OTUD4: variants seen among roughly 807,000 people sequenced by gnomAD.
OTUD4 encodes OTU domain-containing protein 4.
OTUD4 carries 24 observed loss-of-function variants against 130.4 expected under a neutral mutation model. The ratio of observed to expected loss-of-function variants is 0.18; its 90% CI spans 0.13 to 0.26. The LOEUF is 0.26. OTUD4 is among the 10% of genes least tolerant of loss of function. The pLI, the probability that OTUD4 is intolerant of heterozygous loss-of-function variation, is 1.00. For synonymous variants in OTUD4, 420 were observed against 472.5 expected (o/e 0.89, Z 1.44); for missense variants, 1,031 against 1,329.4 (o/e 0.78, Z 3.49).
In OTUD4 at chr4:145,176,981, T is replaced by C. The variant is rs149890668; in HGVS notation, c.160-2237A>G. ...CTGATTCTACCTTCACTGCTGTTCT[T>C]GGACACTATTAAACTATATTCTTAT... On this transcript the variant is annotated intron_variant, in intron 1 of 20. Coordinates refer to ENST00000447906, the MANE Select transcript of OTUD4 (RefSeq NM_001366057.1). Among the ~76,000 whole-genome samples, 16 of 152,372 alleles carry C rather than the reference T, an allele frequency of 1.1e-4. No individual in the cohort carries two copies. The East Asian group carries it at 3.1e-3, about 29-fold the overall frequency.
In OTUD4 at chr4:145,180,004, C is replaced by G. The variant is rs1389881539; in HGVS notation, c.-31G>C. On this transcript the variant is annotated 5_prime_UTR_variant, in exon 1 of 21. Transcript: ENST00000447906. ...TGGTCCTGCTGCAGGCCAGGCGCGG[C>G]GAGGGCTAGCCCCACATGGCCAGGC... is the stretch of plus-strand genomic sequence containing the variant. 2 of 1,452,238 alleles carry G rather than the reference C, an allele frequency of 1.4e-6. No individual in the cohort carries two copies. The highest frequency in any genetic ancestry group is 1.8e-6 in the Non-Finnish European group (2 of 1,113,172). The allele number at this position is 1,452,238 out of a possible 1,614,324, so 90.0% of individuals were successfully genotyped here.
At chr4:145,177,295 A>G (rs2126815246) in intron 1 of OTUD4, among the ~76,000 whole-genome samples, 1 of 152,364 alleles carries the variant, frequency 6.6e-6, no homozygotes, top group African/African-American at 2.4e-5. Context: ...AATGGTAGGC[A>G]TATCTACTGG....
At chr4:145,172,297 A>T (rs1176953646) in intron 2 of OTUD4, among the ~76,000 whole-genome samples, 2 of 152,378 alleles carry the variant, frequency 1.3e-5, no homozygotes, top group Non-Finnish European at 2.9e-5. Context: ...GGAATAAAAC[A>T]AAGACTGACT....
rs549726215 is a variant in OTUD4 at position 145,165,645 on chromosome 4, T to G, written c.295-448A>C. On this transcript the variant is annotated intron_variant, in intron 3 of 20. Transcript: ENST00000447906. ...GGCATGTGCCACCATGCCCAGCTAA[T>G]TTTGTATTTTTAGTAGAGACGGGGT... is the stretch of plus-strand genomic sequence containing the variant. Among the ~76,000 whole-genome samples, 77 of 152,066 alleles carry G rather than the reference T, an allele frequency of 5.1e-4. 1 individual carries two copies. In the South Asian group the frequency reaches 0.016, roughly 32 times the overall value.
chr4:145,156,613 G>A (rs1360453717), intron 7 of OTUD4, among the ~76,000 whole-genome samples: 2 of 151,884 alleles, frequency 1.3e-5, no homozygotes, highest in Non-Finnish European at 2.9e-5. Context: ...AACCCGGGAG[G>A]CGGAGGTTGC....
intron 19 of OTUD4, among the ~76,000 whole-genome samples, chr4:145,140,586 A>G (rs1750511001): frequency 6.6e-6 from 1 of 152,194 alleles, no homozygotes; most frequent in South Asian, 2.1e-4. Context: ...CCTTAAAAAT[A>G]AAGAGGGAAA....
chr4:145,173,393 CA>C (rs1211787272), intron 2 of OTUD4, among the ~76,000 whole-genome samples: 32 of 131,652 alleles, frequency 2.4e-4, no homozygotes, highest in Admixed American at 3.0e-4. Context: ...GACTCTGTCT[CA>C]AAAAAAAAAA....
At chr4:145,144,116 C>T (rs529675770) in intron 15 of OTUD4, 115 bp from the exon 16 acceptor site, 3 of 1,069,200 alleles carry the variant, frequency 2.8e-6, no homozygotes, top group Admixed American at 4.2e-5. Flanking sequence ...CATGTTTAGT[C>T]AGTGAAAATG....
intron 5 of OTUD4, among the ~76,000 whole-genome samples, chr4:145,163,727 A>G (rs1343568562): frequency 7.0e-6 from 1 of 143,550 alleles, no homozygotes; most frequent in African/African-American, 2.6e-5. Flanking sequence ...TTTTTTTAAG[A>G]CGGAGGTTCA....
intron 6 of OTUD4, among the ~76,000 whole-genome samples, chr4:145,162,267 T>C (rs893631860): frequency 5.3e-5 from 8 of 152,148 alleles, no homozygotes; most frequent in Admixed American, 4.6e-4. Context: ...ATTAAGACTG[T>C]ATAAGGCCGG....
In OTUD4 at chr4:145,171,662, T is replaced by C; in HGVS notation, c.294+8A>G. The C allele has an allele frequency of 8.1e-7, 1 of 1,229,046 alleles. No homozygotes were observed. Among genetic ancestry groups the C allele is most frequent in the Non-Finnish European group, 1.2e-6 (1 of 834,132 alleles). The allele number at this position is 1,229,046 out of a possible 1,614,324, so 76.1% of individuals were successfully genotyped here. A position where few individuals can be genotyped will look rare whatever the true frequency, so the allele number is the denominator to read the frequency against. Reference sequence around the variant, plus strand: ...AAAATAGAAATATACTAGAAGACTGTGACATACCTGTGGATTTTCCAAACG... The same window carrying C: ...AAAATAGAAATATACTAGAAGACTGCGACATACCTGTGGATTTTCCAAACG... On this transcript the variant is annotated splice_region_variant and intron_variant, in intron 3 of 20. Transcript: ENST00000447906.
chr4:145,144,142 C>A, intron 15 of OTUD4, 141 bp from the exon 16 acceptor site: 1 of 1,009,106 alleles, frequency 9.9e-7, no homozygotes, highest in South Asian at 1.5e-5. Context: ...TTTAGAATAG[C>A]ACTTAACATC....
intron 20 of OTUD4, 39 bp from the exon 21 acceptor site, chr4:145,138,689 G>GA (rs556075164): frequency 2.1e-4 from 321 of 1,546,874 alleles, no homozygotes; most frequent in Non-Finnish European, 2.7e-4. Flanking sequence ...CAAAAGAGGA[G>GA]AAAAAAGAGA....
chr4:145,165,099 A>C, intron 4 of OTUD4, 52 bp downstream of exon 4: 1 of 1,007,488 alleles, frequency 9.9e-7, no homozygotes, highest in Non-Finnish European at 1.5e-6. Flanking sequence ...ATAATGGAAT[A>C]TAATTTCCCA....
intron 13 of OTUD4, among the ~76,000 whole-genome samples, chr4:145,150,289 A>C (rs186610218): frequency 1.2e-4 from 18 of 152,366 alleles, no homozygotes; most frequent in African/African-American, 4.3e-4. Context: ...ATTTGAAAAA[A>C]TTACTAAAAA....
chr4:145,149,091 T>C (rs923633785), intron 13 of OTUD4, among the ~76,000 whole-genome samples: 5 of 152,206 alleles, frequency 3.3e-5, no homozygotes, highest in Non-Finnish European at 5.9e-5. Flanking sequence ...AATAGGGTCT[T>C]CTCAGATGTA....
intron 15 of OTUD4, 109 bp downstream of exon 15, chr4:145,144,202 A>C: frequency 8.1e-7 from 1 of 1,231,208 alleles, no homozygotes. Context: ...ATGTGACATT[A>C]GATAAACTAC....
chr4:145,179,681 G>C, intron 1 of OTUD4, 134 bp downstream of exon 1: 1 of 1,406,318 alleles, frequency 7.1e-7, no homozygotes. Context: ...TTACAATGGG[G>C]CGCTGTGACG....
intron 11 of OTUD4, 53 bp from the exon 12 acceptor site, chr4:145,150,958 T>TA (rs1751039968): frequency 9.5e-7 from 1 of 1,057,570 alleles, no homozygotes; most frequent in East Asian, 2.4e-5. Context: ...TAAGAATAGT[T>TA]AAATATTCTG....
Sources: allele counts gnomAD v4.1 joint callset (sites outside exome capture counted in the v4.1 genomes callset), GRCh38; gene constraint gnomAD v4.1.1; transcripts MANE v1.5; gene names NCBI Gene and HGNC (gene_info 2026-07-23, HGNC 2026-07-21).